MSANTD3: variants seen among roughly 807,000 people sequenced by gnomAD.
MSANTD3 encodes myb/SANT-like DNA-binding domain-containing protein 3.
In MSANTD3, 11 loss-of-function variants were observed where a neutral mutation model predicts 27.7. The ratio of observed to expected loss-of-function variants is 0.40; its 90% CI spans 0.25 to 0.66. The LOEUF is 0.66. MSANTD3 is among the 30% of genes least tolerant of loss of function. MSANTD3 has a pLI of 0.41. For synonymous variants in MSANTD3, 131 were observed against 127.2 expected (o/e 1.03, Z -0.20); for missense variants, 250 against 336.5 (o/e 0.74, Z 2.01).
intron 2 of MSANTD3, among the ~76,000 whole-genome samples, chr9:100,443,651 C>T (rs1340226550): frequency 2.0e-5 from 3 of 152,014 alleles, no homozygotes; most frequent in Non-Finnish European, 2.9e-5. Context: ...AAAACACTGT[C>T]ATATAATGAA....
chr9:100,446,930 T>C (rs1183832374), intron 2 of MSANTD3, among the ~76,000 whole-genome samples: 1 of 152,148 alleles, frequency 6.6e-6, no homozygotes. Flanking sequence ...ATCTTATTTA[T>C]CCCCTTTCCC....
intron 1 of MSANTD3, among the ~76,000 whole-genome samples, chr9:100,431,388 C>T (rs574308651): frequency 2.0e-5 from 3 of 151,436 alleles, no homozygotes; most frequent in Admixed American, 1.3e-4. Flanking sequence ...TCACTGCAAC[C>T]TCAGATTCCT....
In MSANTD3 at chr9:100,448,865, C is replaced by G. The variant is rs1269892391; in HGVS notation, c.419-1692C>G. 3.0e-6 allele frequency: 3 copies of G among 984,836 alleles called. No homozygotes were observed. The African/African-American group carries it at 5.2e-5, about 17-fold the overall frequency. The allele number at this position is 984,836 out of a possible 1,614,324, so 61.0% of individuals were successfully genotyped here. On this transcript the variant is annotated intron_variant, in intron 2 of 2. Coordinates refer to ENST00000395067, the MANE Select transcript of MSANTD3 (RefSeq NM_080655.3). ...TTTCTTTTTTTTTAAACTTCTCTTC[C>G]AGAAGTAAGATTTTTACCTTTTCTT...
chr9:100,438,537 A>G (rs1205968242), intron 1 of MSANTD3, among the ~76,000 whole-genome samples: 1 of 152,222 alleles, frequency 6.6e-6, no homozygotes, highest in African/African-American at 2.4e-5. Flanking sequence ...AGAGTTCTTA[A>G]TCCTTACAGC....
intron 1 of MSANTD3, among the ~76,000 whole-genome samples, chr9:100,434,258 T>A (rs1836428531): frequency 6.6e-6 from 1 of 152,162 alleles, no homozygotes; most frequent in East Asian, 1.9e-4. Context: ...GTGTGGTGGC[T>A]CACACCTGTA....
intron 1 of MSANTD3, among the ~76,000 whole-genome samples, chr9:100,435,100 G>T (rs556977108): frequency 6.6e-6 from 1 of 152,146 alleles, no homozygotes; most frequent in Non-Finnish European, 1.5e-5. Flanking sequence ...CTTTATTCAC[G>T]TTGCAGGACT....
intron 2 of MSANTD3, chr9:100,448,550 G>A (rs979145839): frequency 4.1e-5 from 40 of 985,270 alleles, no homozygotes; most frequent in Non-Finnish European, 4.8e-5. Context: ...TGTTGGGAGG[G>A]ATGTGACCCA....
chr9:100,438,572 T>C (rs187765769), intron 1 of MSANTD3, among the ~76,000 whole-genome samples: 1 of 152,276 alleles, frequency 6.6e-6, no homozygotes, highest in African/African-American at 2.4e-5. Flanking sequence ...GTGGGGAAAG[T>C]TGGCATATTG....
rs1564253026 is a variant in MSANTD3, at chr9:100,450,702, T to G, written c.564T>G (p.Ser188=). The G allele has an allele frequency of 1.2e-6, 2 of 1,614,076 alleles. No homozygotes were observed. The highest frequency in any genetic ancestry group is 8.5e-7 in the Non-Finnish European group (1 of 1,180,002). ...ATAAAAACTACAGGAGCAAAACCTC[T>G]CAGGAAGGTGCTTTAAAAAAGATGC... ...TANKNYRSKT[S]QEGALKKMHE... The change falls in exon 3 of 3, where the codon TCT becomes TCG. Residue 188 remains serine (S), a synonymous_variant. Coordinates refer to ENST00000395067, the MANE Select transcript of MSANTD3 (RefSeq NM_080655.3).
At chr9:100,430,252 G>A (rs1189818219) in intron 1 of MSANTD3, among the ~76,000 whole-genome samples, 1 of 150,132 alleles carries the variant, frequency 6.7e-6, no homozygotes, top group Non-Finnish European at 1.5e-5. Context: ...GTTGGGCTTT[G>A]AAGATTGAAA....
chr9:100,447,818 T>C (rs985815021), intron 2 of MSANTD3, among the ~76,000 whole-genome samples: 1 of 152,146 alleles, frequency 6.6e-6, no homozygotes, highest in Non-Finnish European at 1.5e-5. Flanking sequence ...AAACAGTAGG[T>C]GCTATCATCA....
chr9:100,446,541 C>T (rs760744797), intron 2 of MSANTD3, among the ~76,000 whole-genome samples: 26 of 152,104 alleles, frequency 1.7e-4, no homozygotes, highest in Non-Finnish European at 3.4e-4. Flanking sequence ...AGATCAATTC[C>T]TAGGCCGGGC....
chr9:100,444,847 AGGGAATAAAGG>A (rs1836715608), intron 2 of MSANTD3: 3 of 195,266 alleles, frequency 1.5e-5, no homozygotes, highest in Non-Finnish European at 3.1e-5. Flanking sequence ...TTCAGCAAGA[AGGGAATAAAGG>A]TACATTCTCA....
intron 1 of MSANTD3, among the ~76,000 whole-genome samples, chr9:100,440,453 A>G (rs1266831341): frequency 6.6e-6 from 1 of 152,104 alleles, no homozygotes; most frequent in African/African-American, 2.4e-5. Flanking sequence ...CTGAAATTAC[A>G]TACATTGTTT....
At chr9:100,448,757 G>T in intron 2 of MSANTD3, 4 of 985,394 alleles carry the variant, frequency 4.1e-6, no homozygotes, top group Non-Finnish European at 4.8e-6. Context: ...CATGAAGGAA[G>T]AGCTGTCTTT....
rs140374948 is a variant in MSANTD3, at chr9:100,442,131, C to T, written c.193C>T (p.Arg65Trp). The T allele has an allele frequency of 1.2e-6, 2 of 1,614,034 alleles. No homozygotes were observed. Among genetic ancestry groups the T allele is most frequent in the African/African-American group, 1.3e-5 (1 of 74,912 alleles). ...EYNSQPSVSL[R>W]DFKQLKKCWE... ...CAACTCTCAGCCCAGCGTGTCCCTGCGGGATTTCAAACAGCTGAAGAAGTG... is the reference window on the plus strand; with the variant it reads ...CAACTCTCAGCCCAGCGTGTCCCTGTGGGATTTCAAACAGCTGAAGAAGTG... The change falls in exon 2 of 3, where the codon CGG (arginine) becomes TGG (tryptophan). Residue 65 changes from arginine (R) to tryptophan (W), a missense_variant. By Grantham distance (101) the Arg-to-Trp change is moderately radical. Transcript: ENST00000395067.
At chr9:100,440,175 A>G (rs1179011315) in intron 1 of MSANTD3, among the ~76,000 whole-genome samples, 1 of 152,200 alleles carries the variant, frequency 6.6e-6, no homozygotes, top group African/African-American at 2.4e-5. Flanking sequence ...CCGGCACTGT[A>G]GAGGATGACA....
chr9:100,439,827 A>AT (rs1836562030), intron 1 of MSANTD3, among the ~76,000 whole-genome samples: 1 of 151,692 alleles, frequency 6.6e-6, no homozygotes. Flanking sequence ...CCAGTTCCTA[A>AT]TTTTTTGACA....
At chr9:100,445,366 C>G in intron 2 of MSANTD3, 1 of 593,538 alleles carries the variant, frequency 1.7e-6, no homozygotes, top group Middle Eastern at 2.6e-4. Context: ...CCACATGAGG[C>G]TCATAGGCAC....
Sources: allele counts gnomAD v4.1 joint callset (sites outside exome capture counted in the v4.1 genomes callset), GRCh38; gene constraint gnomAD v4.1.1; transcripts MANE v1.5; gene names NCBI Gene and HGNC (gene_info 2026-07-23, HGNC 2026-07-21).